Variants in STAT1 observed in about 807,000 individuals in gnomAD.
The protein encoded by STAT1 is signal transducer and activator of transcription 1, also known as signal transducer and activator of transcription 1-alpha/beta.
Under a neutral mutation model 111.7 loss-of-function variants are expected in STAT1, and 24 were observed. The ratio of observed to expected loss-of-function variants is 0.21; its 90% CI spans 0.16 to 0.30. STAT1 has a LOEUF of 0.30. STAT1 is among the 10% of genes least tolerant of loss of function. The pLI, the probability that STAT1 is intolerant of heterozygous loss-of-function variation, is 1.00. For missense variants in STAT1, 351 were observed against 911.9 expected (o/e 0.38, Z 7.92); for synonymous variants, 332 against 326.5 (o/e 1.02, Z -0.18).
In STAT1 at chr2:190,978,687, C is replaced by T; in HGVS notation, c.1873+169G>A. 1 of 851,050 alleles carries T rather than the reference C, an allele frequency of 1.2e-6. No homozygotes were observed. The highest frequency in any genetic ancestry group is 1.9e-6 in the Non-Finnish European group (1 of 533,866). The allele number at this position is 851,050 out of a possible 1,614,324, so 52.7% of individuals were successfully genotyped here. On this transcript the variant is annotated intron_variant, in intron 21 of 24. Transcript: ENST00000361099. The surrounding 1 kb of genome is among the most constrained non-coding windows in gnomAD (Gnocchi z 6.1). ...TGTTCCAGAGAGTGAACCACAACCA[C>T]AAACATTTGTGGTGGTTTATTAAAT...
intron 10 of STAT1, chr2:190,992,686 TAA>T (rs1559015445): frequency 3.1e-6 from 4 of 1,290,184 alleles, no homozygotes; most frequent in African/African-American, 1.5e-5. Context: ...CTCTGAATTT[TAA>T]CACTGGACTT....
intron 5 of STAT1, among the ~76,000 whole-genome samples, chr2:191,002,335 G>A (rs777944548): frequency 2.2e-4 from 33 of 152,034 alleles, no homozygotes; most frequent in East Asian, 3.8e-4. Flanking sequence ...ATATGCACAC[G>A]GGTTTCCTTC....
rs192474752 is a variant in STAT1 at position 190,994,000 on chromosome 2, C to T, written c.944+1061G>A. Among the ~76,000 whole-genome samples the T allele has an allele frequency of 6.2e-4, 95 of 152,130 alleles. No individual in the cohort carries two copies. Among genetic ancestry groups the T allele is most frequent in the African/African-American group, 2.2e-3 (90 of 41,494 alleles). ...TACATAACAACTATATAACAAAAGG[C>T]AGAGTAGGAAAGGAACGAAGGGTGA... On this transcript the variant is annotated intron_variant, in intron 10 of 24. Transcript: ENST00000361099. The surrounding 1 kb of genome is among the most constrained non-coding windows in gnomAD (Gnocchi z 4.1).
Position 190,996,248 on chromosome 2 carries a change from C to T in STAT1, c.786-1029G>A, listed in dbSNP as rs1429207014. On this transcript the variant is annotated intron_variant, in intron 9 of 24. Transcript: ENST00000361099. This position sits in a 1 kb window ranked among gnomAD's most constrained non-coding sequence, Gnocchi z 4.5. Reference sequence around the variant, plus strand: ...CTAACAGCAACACAGGCTGGGGAAACGCTGTTTTATTCACTTGCAGTAATG... The same window carrying T: ...CTAACAGCAACACAGGCTGGGGAAATGCTGTTTTATTCACTTGCAGTAATG... 6.6e-6 allele frequency among the ~76,000 whole-genome samples: 1 copy of T among 152,198 alleles called. No individual in the cohort carries two copies. The highest frequency in any genetic ancestry group is 2.4e-5 in the African/African-American group (1 of 41,452).
In STAT1 at chr2:190,995,457, A is replaced by G. The variant is rs1449776320; in HGVS notation, c.786-238T>C. Among the ~76,000 whole-genome samples the G allele has an allele frequency of 6.6e-6, 1 of 152,230 alleles. No homozygotes were observed. The highest frequency in any genetic ancestry group is 1.5e-5 in the Non-Finnish European group (1 of 68,042). ...AGTCACATCTTACATGGTGGCAGGC[A>G]AGAGAGTTTGTGGAGGGAAATTCCC... On this transcript the variant is annotated intron_variant, in intron 9 of 24. Coordinates refer to ENST00000361099, the MANE Select transcript of STAT1 (RefSeq NM_007315.4). This position sits in a 1 kb window ranked among gnomAD's most constrained non-coding sequence, Gnocchi z 4.2.
rs1691318285 is a variant in STAT1, at chr2:190,969,837, T to A, written c.*866A>T. The A allele has an allele frequency of 1.3e-5, 2 of 152,238 alleles. No individual in the cohort carries two copies. The highest frequency in any genetic ancestry group is 4.1e-4 in the South Asian group (2 of 4,834). The allele number at this position is 152,238 out of a possible 1,614,324, so 9.4% of individuals were successfully genotyped here. A position where few individuals can be genotyped will look rare whatever the true frequency, so the allele number is the denominator to read the frequency against. On this transcript the variant is annotated 3_prime_UTR_variant, in exon 25 of 25. Transcript: ENST00000361099. ...CCATTTAAGAAACATGAATTAAATTTCTGAGTTTATCTACATCTATGGTTA... is the reference window on the plus strand; with the variant it reads ...CCATTTAAGAAACATGAATTAAATTACTGAGTTTATCTACATCTATGGTTA...
At position 190,990,096 on chromosome 2, in the gene STAT1, T is replaced by C. The variant is rs1045659647; in HGVS notation, c.1038-422A>G. Among the ~76,000 whole-genome samples the C allele has an allele frequency of 1.3e-5, 2 of 152,188 alleles. No homozygotes were observed. The highest frequency in any genetic ancestry group is 2.4e-5 in the African/African-American group (1 of 41,446). On this transcript the variant is annotated intron_variant, in intron 11 of 24. Coordinates refer to ENST00000361099, the MANE Select transcript of STAT1 (RefSeq NM_007315.4). This position sits in a 1 kb window ranked among gnomAD's most constrained non-coding sequence, Gnocchi z 5.1. ...TCCTGTTGGGAGACAATAAAAACTA[T>C]TGCCCATAAGCAGAAAAAATAGCGT...
In STAT1 at chr2:190,980,932, T is replaced by C. The variant is rs1692341595; in HGVS notation, c.1583-263A>G. ...ATGGCAGAAAGGAATGGATGGCAGA[T>C]TCCTGGGCACCACGATATGAGAGTT... is the stretch of plus-strand genomic sequence containing the variant. On this transcript the variant is annotated intron_variant, in intron 18 of 24. Transcript: ENST00000361099. This position sits in a 1 kb window ranked among gnomAD's most constrained non-coding sequence, Gnocchi z 6.1. Among the ~76,000 whole-genome samples the C allele has an allele frequency of 6.6e-6, 1 of 152,188 alleles. No homozygotes were observed. Among genetic ancestry groups the C allele is most frequent in the East Asian group, 1.9e-4 (1 of 5,196 alleles).
Position 190,979,543 on chromosome 2 carries a change from G to GT in STAT1, c.1727+228dup, listed in dbSNP as rs369850201. ...AATGCATGAATGGCACTCAAGAGTT[G>GT]TTTTTTTTTTTTAATTTAGCTTTGC... is the stretch of plus-strand genomic sequence containing the variant. On this transcript the variant is annotated intron_variant, in intron 20 of 24. Coordinates refer to ENST00000361099, the MANE Select transcript of STAT1 (RefSeq NM_007315.4). This position sits in a 1 kb window ranked among gnomAD's most constrained non-coding sequence, Gnocchi z 5.8. Among the ~76,000 whole-genome samples the GT allele has an allele frequency of 0.01, 1,511 of 144,638 alleles. 19 individuals are homozygous for GT. Among genetic ancestry groups the GT allele is most frequent in the African/African-American group, 0.033 (1,302 of 39,720 alleles). 94.9% of individuals were successfully genotyped at this position (144,638 alleles called of 152,430 possible).
At position 190,989,818 on chromosome 2, in the gene STAT1, G is replaced by A; in HGVS notation, c.1038-144C>T. 1.6e-6 allele frequency: 1 copy of A among 634,262 alleles called. No homozygotes were observed. The highest frequency in any genetic ancestry group is 2.8e-6 in the Non-Finnish European group (1 of 357,450). 39.3% of individuals were successfully genotyped at this position (634,262 alleles called of 1,614,324 possible). A position where few individuals can be genotyped will look rare whatever the true frequency, so the allele number is the denominator to read the frequency against. On this transcript the variant is annotated intron_variant, in intron 11 of 24. Transcript: ENST00000361099. This position sits in a 1 kb window ranked among gnomAD's most constrained non-coding sequence, Gnocchi z 5.0. The stretch of plus-strand genomic sequence containing the variant: ...CAACAAAAAAACTGACAGTTTTGTA[G>A]ATCTACTTAAATTTTTGTAAGTGTA...
At chr2:191,011,383 G>A (rs180676561) in intron 2 of STAT1, among the ~76,000 whole-genome samples, 123 of 152,290 alleles carry the variant, frequency 8.1e-4, no homozygotes, top group East Asian at 1.4e-3. Flanking sequence ...TTAGCCAAGC[G>A]AACCCAGGTA....
chr2:190,983,578 T>G lies in STAT1; in HGVS notation c.1446+64A>C. ...CTGGCCATTGGGGCTATTTCAGAGATGCAGCAGTGAGAGCGTGGGGTCTCT... is the reference window on the plus strand; with the variant it reads ...CTGGCCATTGGGGCTATTTCAGAGAGGCAGCAGTGAGAGCGTGGGGTCTCT... On this transcript the variant is annotated intron_variant, in intron 17 of 24. Transcript: ENST00000361099. This position sits in a 1 kb window ranked among gnomAD's most constrained non-coding sequence, Gnocchi z 5.7. 7.1e-7 allele frequency: 1 copy of G among 1,411,824 alleles called. No homozygotes were observed. The highest frequency in any genetic ancestry group is 1.0e-6 in the Non-Finnish European group (1 of 996,198). The allele number at this position is 1,411,824 out of a possible 1,614,324, so 87.5% of individuals were successfully genotyped here.
Position 190,994,958 on chromosome 2 carries a change from A to AT in STAT1, c.944+102_944+103insA, listed in dbSNP as rs1491584710. The AT allele has an allele frequency of 2.7e-3, 1,237 of 461,822 alleles. 89 individuals carry two copies. Among genetic ancestry groups the AT allele is most frequent in the African/African-American group, 9.8e-3 (370 of 37,600 alleles). 28.6% of individuals were successfully genotyped at this position (461,822 alleles called of 1,614,324 possible). ...TATATATATATATATATATATATAT[A>AT]AAAAACACCTATTAAACCCTTGTAA... On this transcript the variant is annotated intron_variant, in intron 10 of 24. Transcript: ENST00000361099.
chr2:191,007,539 A>C lies in STAT1; in HGVS notation c.372+24T>G. 1 of 1,513,404 alleles carries C rather than the reference A, an allele frequency of 6.6e-7. No individual in the cohort carries two copies. Among genetic ancestry groups the C allele is most frequent in the Non-Finnish European group, 9.2e-7 (1 of 1,089,026 alleles). The allele number at this position is 1,513,404 out of a possible 1,614,324, so 93.7% of individuals were successfully genotyped here. A position where few individuals can be genotyped will look rare whatever the true frequency, so the allele number is the denominator to read the frequency against. ...ATACATTTTTATTTTATTACAGTTT[A>C]TGTGTTCAATGAGAAAAAAGTACCT... On this transcript the variant is annotated intron_variant, in intron 5 of 24. Transcript: ENST00000361099. This position sits in a 1 kb window ranked among gnomAD's most constrained non-coding sequence, Gnocchi z 4.2.
At chr2:190,985,811 T>C in intron 14 of STAT1, 151 bp from the exon 15 acceptor site, 1 of 835,316 alleles carries the variant, frequency 1.2e-6, no homozygotes, top group Non-Finnish European at 2.0e-6. Context: ...TGGCCCTCGT[T>C]CAGGGTCCAT....
chr2:191,007,004 A>G lies in STAT1; in HGVS notation c.372+559T>C, dbSNP rs1005676064. On this transcript the variant is annotated intron_variant, in intron 5 of 24. Transcript: ENST00000361099. This position sits in a 1 kb window ranked among gnomAD's most constrained non-coding sequence, Gnocchi z 4.2. ...TCCGTGTACAGCATTACCATTTTTC[A>G]AGGGGTTCTAGTAGCTGCTGTAGAG... Among the ~76,000 whole-genome samples the G allele has an allele frequency of 1.3e-5, 2 of 152,034 alleles. No homozygotes were observed. The highest frequency in any genetic ancestry group is 4.8e-5 in the African/African-American group (2 of 41,392).
chr2:190,993,627 T>C lies in STAT1; in HGVS notation c.944+1434A>G. 3.5e-6 allele frequency: 2 copies of C among 573,270 alleles called. No homozygotes were observed. Among genetic ancestry groups the C allele is most frequent in the South Asian group, 1.5e-5 (1 of 64,612 alleles). 35.5% of individuals were successfully genotyped at this position (573,270 alleles called of 1,614,324 possible). A position where few individuals can be genotyped will look rare whatever the true frequency, so the allele number is the denominator to read the frequency against. On this transcript the variant is annotated intron_variant, in intron 10 of 24. Transcript: ENST00000361099. This position sits in a 1 kb window ranked among gnomAD's most constrained non-coding sequence, Gnocchi z 4.1. ...TTGCTGCTACAGCTGCTGCCCTGAC[T>C]CTCTGCACCACGGGTAACTGAAGGA...
In STAT1 at chr2:190,998,127, G is replaced by A; in HGVS notation, c.633+90C>T. On this transcript the variant is annotated intron_variant, in intron 8 of 24. Transcript: ENST00000361099. This position sits in a 1 kb window ranked among gnomAD's most constrained non-coding sequence, Gnocchi z 4.1. ...CTCAACTGGGGCTCTAAGCCAGGTG[G>A]CTATAATTTTTCCTCTCTTCTAAAC... 1.9e-6 allele frequency: 3 copies of A among 1,555,842 alleles called. No individual in the cohort carries two copies. The highest frequency in any genetic ancestry group is 2.7e-6 in the Non-Finnish European group (3 of 1,131,482).
rs940656467 is a variant in STAT1, at chr2:190,975,673, G to A, written c.2135+139C>T. The stretch of plus-strand genomic sequence containing the variant: ...GTAAAATGCTGATAGGCAGTAACAC[G>A]GGGATCTCAACAAGTTCAGCTGTGA... On this transcript the variant is annotated intron_variant, in intron 23 of 24. Coordinates refer to ENST00000361099, the MANE Select transcript of STAT1 (RefSeq NM_007315.4). The surrounding 1 kb of genome is among the most constrained non-coding windows in gnomAD (Gnocchi z 5.9). The A allele has an allele frequency of 2.2e-5, 33 of 1,519,428 alleles. No homozygotes were observed. Among genetic ancestry groups the A allele is most frequent in the African/African-American group, 4.2e-5 (3 of 71,880 alleles). The allele number at this position is 1,519,428 out of a possible 1,614,324, so 94.1% of individuals were successfully genotyped here. A position where few individuals can be genotyped will look rare whatever the true frequency, so the allele number is the denominator to read the frequency against.
Sources: allele counts gnomAD v4.1 joint callset (sites outside exome capture counted in the v4.1 genomes callset), GRCh38; gene constraint gnomAD v4.1.1; non-coding constraint Gnocchi (gnomAD v3.1); transcripts MANE v1.5; gene names NCBI Gene and HGNC (gene_info 2026-07-23, HGNC 2026-07-21).